Variants in KIAA1549 observed in about 807,000 individuals in gnomAD.
KIAA1549 encodes the protein KIAA1549.
A neutral mutation model predicts 156.4 loss-of-function variants in KIAA1549; 70 were observed. The observed-to-expected ratio is 0.45, with a 90% CI of 0.37 to 0.55. The LOEUF is 0.55. KIAA1549 is among the 20% of genes least tolerant of loss of function. The pLI, the probability that KIAA1549 is intolerant of heterozygous loss-of-function variation, is 0.00. For synonymous variants in KIAA1549, 1,103 were observed against 1,066.4 expected, an observed-to-expected ratio of 1.03 and a Z score of -0.67; for missense variants, 2,428 against 2,540.9, an observed-to-expected ratio of 0.96 and a Z score of 0.96.
chr7:138,918,832 G>A lies in KIAA1549; in HGVS notation c.794C>T (p.Thr265Ile), dbSNP rs1433168946. 2 of 1,614,036 alleles carry A rather than the reference G, an allele frequency of 1.2e-6. No individual in the cohort carries two copies. Among genetic ancestry groups the A allele is most frequent in the Non-Finnish European group, 1.7e-6 (2 of 1,179,896 alleles). Residue 265 changes from threonine to isoleucine, a missense_variant, in exon 2 of 20, where the codon ACT becomes ATT. Physicochemically the swap from Thr to Ile is moderately conservative, Grantham distance 89. Coordinates refer to ENST00000422774, the MANE Select transcript of KIAA1549 (RefSeq NM_001164665.2). This position sits in a 1 kb window ranked among gnomAD's most constrained non-coding sequence, Gnocchi z 4.2. ...TDAYSHLSSR[T>I]LPEIVASLTE... The stretch of plus-strand genomic sequence containing the variant: ...TAGGGAAGCCACAATCTCTGGCAGA[G>A]TCCTGCTTGATAAATGACTGTAAGC...
chr7:138,916,984 G>A lies in KIAA1549; in HGVS notation c.2642C>T (p.Thr881Met), dbSNP rs138709216. Residue 881 changes from threonine to methionine, a missense_variant, in exon 2 of 20, where the codon ACG (threonine) becomes ATG (methionine). Physicochemically the swap from Thr to Met is moderately conservative, Grantham distance 81. Coordinates refer to ENST00000422774, the MANE Select transcript of KIAA1549 (RefSeq NM_001164665.2). ...TPTEVPLNTSTEVSTTSTGAA... is the reference protein window; with the variant it reads ...TPTEVPLNTSMEVSTTSTGAA... ...ACCGGTGCTGGTTGTGCTCACTTCC[G>A]TGGAGGTGTTCAGTGGCACCTCTGT... 485 of 1,600,044 alleles carry A rather than the reference G, an allele frequency of 3.0e-4. 3 individuals carry two copies. Among genetic ancestry groups the A allele is most frequent in the East Asian group, 2.9e-3 (129 of 44,776 alleles).
chr7:138,944,190 G>A (rs1020424279), intron 1 of KIAA1549, among the ~76,000 whole-genome samples: 1 of 151,796 alleles, frequency 6.6e-6, no homozygotes, highest in Non-Finnish European at 1.5e-5. Flanking sequence ...GCTCCTAAGT[G>A]AAATTTTACA....
intron 1 of KIAA1549, among the ~76,000 whole-genome samples, chr7:138,921,296 C>G (rs1048420011): frequency 5.9e-5 from 9 of 152,340 alleles, no homozygotes; most frequent in Admixed American, 5.9e-4. Flanking sequence ...CTGTTGAACT[C>G]TCCTCAGTCT....
intron 16 of KIAA1549, among the ~76,000 whole-genome samples, chr7:138,855,328 C>T (rs1810356325): frequency 6.6e-6 from 1 of 152,222 alleles, no homozygotes; most frequent in Non-Finnish European, 1.5e-5. Context: ...ACTTGGCTTA[C>T]TCAACACCAG....
At chr7:138,939,680 GTTCTA>G (rs1184697350) in intron 1 of KIAA1549, among the ~76,000 whole-genome samples, 3 of 152,182 alleles carry the variant, frequency 2.0e-5, no homozygotes, top group Non-Finnish European at 2.9e-5. Flanking sequence ...GTTTCTGGCT[GTTCTA>G]TTCTGAGTGA....
intron 1 of KIAA1549, among the ~76,000 whole-genome samples, chr7:138,929,985 G>C (rs1033647727): frequency 6.6e-6 from 1 of 152,162 alleles, no homozygotes; most frequent in Non-Finnish European, 1.5e-5. Flanking sequence ...GCCATGAAAT[G>C]TATTTCTTAT....
chr7:138,903,947 G>C (rs757583385), intron 7 of KIAA1549, among the ~76,000 whole-genome samples: 5 of 152,104 alleles, frequency 3.3e-5, no homozygotes, highest in Non-Finnish European at 7.3e-5. Context: ...AGGAGAAAAA[G>C]TGATCATGAA....
intron 1 of KIAA1549, among the ~76,000 whole-genome samples, chr7:138,941,765 T>C (rs1813190054): frequency 6.6e-6 from 1 of 152,108 alleles, no homozygotes; most frequent in Non-Finnish European, 1.5e-5. Flanking sequence ...CAATTAGCGC[T>C]CTGCTGAACT....
chr7:138,861,378 C>T lies in KIAA1549; in HGVS notation c.5008G>A (p.Ala1670Thr), dbSNP rs372568067. The T allele has an allele frequency of 2.0e-4, 319 of 1,611,012 alleles. No individual in the cohort carries two copies. Among genetic ancestry groups the T allele is most frequent in the Non-Finnish European group, 2.5e-4 (296 of 1,179,076 alleles). The change falls in exon 16 of 20, where the codon GCC becomes ACC. Residue 1670 changes from alanine (A) to threonine (T), a missense_variant. By Grantham distance (58) the Ala-to-Thr change is moderately conservative. Transcript: ENST00000422774. Reference protein sequence around the residue: ...LGRYPALPFPASQYIPPQPSI... With the variant: ...LGRYPALPFPTSQYIPPQPSI... ...GGCTGGGGTGGGATGTACTGGGAGG[C>T]CGGGAAGGGAAGGGCTGGATACCTC...
chr7:138,975,274 G>A (rs1399812019), intron 1 of KIAA1549, among the ~76,000 whole-genome samples: 1 of 152,204 alleles, frequency 6.6e-6, no homozygotes, highest in East Asian at 1.9e-4. Context: ...AGCAAAGTAT[G>A]GGTCTTGAGT....
At chr7:138,890,981 C>T (rs1281262149) in intron 10 of KIAA1549, among the ~76,000 whole-genome samples, 2 of 152,214 alleles carry the variant, frequency 1.3e-5, no homozygotes, top group Non-Finnish European at 2.9e-5. Flanking sequence ...CCACTGGGCC[C>T]GCCTTCATCT....
chr7:138,943,242 T>C (rs1813236422), intron 1 of KIAA1549, among the ~76,000 whole-genome samples: 1 of 152,112 alleles, frequency 6.6e-6, no homozygotes, highest in Non-Finnish European at 1.5e-5. Context: ...AGGCCGATGG[T>C]GAAGGCGCCG....
chr7:138,979,234 T>C (rs181352097), intron 1 of KIAA1549, among the ~76,000 whole-genome samples: 7 of 152,308 alleles, frequency 4.6e-5, no homozygotes, highest in Admixed American at 2.0e-4. Flanking sequence ...AATATTTGTA[T>C]TGGGGGTAGA....
chr7:138,948,820 G>A (rs946581053), intron 1 of KIAA1549, among the ~76,000 whole-genome samples: 2 of 151,674 alleles, frequency 1.3e-5, no homozygotes, highest in South Asian at 2.1e-4. Flanking sequence ...AGCCTCCCGA[G>A]TAGCTGGGAT....
intron 1 of KIAA1549, among the ~76,000 whole-genome samples, chr7:138,920,645 A>G (rs940942126): frequency 6.6e-5 from 10 of 152,200 alleles, no homozygotes; most frequent in African/African-American, 2.2e-4. Context: ...TAGCCTAGAG[A>G]AAAAGGACAA....
At chr7:138,849,524 T>C (rs1810175456) in intron 17 of KIAA1549, among the ~76,000 whole-genome samples, 1 of 152,172 alleles carries the variant, frequency 6.6e-6, no homozygotes, top group Non-Finnish European at 1.5e-5. Flanking sequence ...ACAAGAGTAC[T>C]AATTAATTTG....
chr7:138,872,831 G>T (rs568008216), intron 12 of KIAA1549, among the ~76,000 whole-genome samples: 27 of 152,300 alleles, frequency 1.8e-4, no homozygotes, highest in Middle Eastern at 3.4e-3. Context: ...TTAAGCCCAG[G>T]AGGTAGAGGG....
chr7:138,920,168 CT>C (rs1812524220), intron 1 of KIAA1549, among the ~76,000 whole-genome samples: 1 of 145,706 alleles, frequency 6.9e-6, no homozygotes, highest in African/African-American at 2.6e-5. Context: ...CTGGAATGCC[CT>C]TCCCAGCTCT....
intron 10 of KIAA1549, among the ~76,000 whole-genome samples, chr7:138,890,344 A>G (rs1177768431): frequency 6.6e-6 from 1 of 152,264 alleles, no homozygotes; most frequent in Non-Finnish European, 1.5e-5. Flanking sequence ...AACACAGAGC[A>G]AATCCCAAAA....
Sources: gnomAD v4.1 joint callset for allele counts (sites outside exome capture counted in the v4.1 genomes callset) on GRCh38, gnomAD v4.1.1 for gene constraint, Gnocchi (gnomAD v3.1) non-coding constraint, MANE v1.5 for transcripts, NCBI Gene and HGNC (gene_info 2026-07-23, HGNC 2026-07-21) for gene names.